ACSL5: variants seen among roughly 807,000 people sequenced by gnomAD.
ACSL5 encodes the protein acyl-CoA synthetase long chain family member 5, also known as long-chain-fatty-acid--CoA ligase 5.
Under a neutral mutation model 84.9 loss-of-function variants are expected in ACSL5, and 50 were observed. That is an observed-to-expected ratio of 0.59 (90% CI 0.47 to 0.75). The LOEUF is 0.75. Among genes scored for constraint, ACSL5 ranks in the 30% least tolerant of loss-of-function variants. The pLI, the probability that ACSL5 is intolerant of heterozygous loss-of-function variation, is 0.00. For synonymous variants in ACSL5, 280 were observed against 300.7 expected (o/e 0.93, Z 0.71); for missense variants, 775 against 830.4 (o/e 0.93, Z 0.82).
chr10:112,425,610 AAAT>A, intron 18 of ACSL5, 129 bp downstream of exon 18: 1 of 915,508 alleles, frequency 1.1e-6, no homozygotes, highest in Non-Finnish European at 1.5e-6. Flanking sequence ...AAAAAAAAAA[AAAT>A]GAAGTTACAT....
intron 12 of ACSL5, among the ~76,000 whole-genome samples, chr10:112,414,784 A>G (rs931300906): frequency 6.6e-6 from 1 of 152,036 alleles, no homozygotes; most frequent in African/African-American, 2.4e-5. Flanking sequence ...TTCTCACCCA[A>G]TTCTTAGAGT....
intron 3 of ACSL5, among the ~76,000 whole-genome samples, chr10:112,401,313 G>A (rs999591541): frequency 1.1e-4 from 16 of 152,182 alleles, no homozygotes; most frequent in Admixed American, 3.3e-4. Context: ...CTCACTTGGG[G>A]CTACTGTTTA....
In ACSL5 at chr10:112,410,505, C is replaced by A. The variant is rs200482150; in HGVS notation, c.744+10C>A. The A allele has an allele frequency of 5.6e-6, 9 of 1,614,078 alleles. No individual in the cohort carries two copies. The highest frequency in any genetic ancestry group is 2.2e-5 in the East Asian group (1 of 44,896). On this transcript the variant is annotated intron_variant, in intron 8 of 20. Coordinates refer to ENST00000354655, the MANE Select transcript of ACSL5 (RefSeq NM_203379.2). ...CTTCAGAAAACCTGTGGTAAGTTTTCTTCTGCCTGAATTTGAGCCTTGCCA... is the reference window on the plus strand; with the variant it reads ...CTTCAGAAAACCTGTGGTAAGTTTTATTCTGCCTGAATTTGAGCCTTGCCA...
chr10:112,382,368 A>G lies in ACSL5; in HGVS notation c.-30+8099A>G, dbSNP rs117924173. Among the ~76,000 whole-genome samples, 5 of 152,324 alleles carry G rather than the reference A, an allele frequency of 3.3e-5. No individual in the cohort carries two copies. In the East Asian group the frequency reaches 7.7e-4, roughly 24 times the overall value. On this transcript the variant is annotated intron_variant, in intron 1 of 20. Transcript: ENST00000354655. ...GTTGCCTTTCTCTCAAATTGTGCCA[A>G]TGGTGAGTAAAAGGTGAAGGTGGCT...
At chr10:112,408,800 C>T in intron 6 of ACSL5, 1 of 312,446 alleles carries the variant, frequency 3.2e-6, no homozygotes, top group Non-Finnish European at 6.2e-6. Context: ...TCACTCTGAA[C>T]ACACTAGATA....
intron 1 of ACSL5, among the ~76,000 whole-genome samples, chr10:112,376,745 A>C (rs929101402): frequency 6.6e-6 from 1 of 152,044 alleles, no homozygotes; most frequent in African/African-American, 2.4e-5. Context: ...GGGTCTGAGC[A>C]TCCAGCATAG....
intron 1 of ACSL5, among the ~76,000 whole-genome samples, chr10:112,384,422 T>C (rs1849410058): frequency 6.6e-6 from 1 of 152,250 alleles, no homozygotes; most frequent in Admixed American, 6.5e-5. Flanking sequence ...TTTGGCTGAA[T>C]GATGGAGTAG....
At chr10:112,413,370 A>G in intron 12 of ACSL5, 63 bp downstream of exon 12, 2 of 1,579,546 alleles carry the variant, frequency 1.3e-6, no homozygotes, top group Non-Finnish European at 1.7e-6. Flanking sequence ...ACTCTGTACT[A>G]CTATGAGATT....
intron 1 of ACSL5, among the ~76,000 whole-genome samples, chr10:112,388,303 A>G (rs1474933195): frequency 2.0e-5 from 3 of 152,118 alleles, no homozygotes; most frequent in Non-Finnish European, 4.4e-5. Context: ...ACTTCATTCC[A>G]ACTCTTCTAA....
At chr10:112,417,376 G>A (rs901886393) in intron 13 of ACSL5, among the ~76,000 whole-genome samples, 5 of 151,772 alleles carry the variant, frequency 3.3e-5, no homozygotes, top group Admixed American at 1.3e-4. Context: ...GGTGGTGGGT[G>A]CCTGTAATCC....
intron 1 of ACSL5, among the ~76,000 whole-genome samples, chr10:112,383,429 A>C (rs912686192): frequency 6.6e-6 from 1 of 152,268 alleles, no homozygotes; most frequent in Non-Finnish European, 1.5e-5. Flanking sequence ...GTAGGTCAGG[A>C]TCTCAGGCCA....
chr10:112,417,516 A>AG (rs1416066777), intron 13 of ACSL5, among the ~76,000 whole-genome samples: 5 of 152,070 alleles, frequency 3.3e-5, no homozygotes, highest in African/African-American at 1.2e-4. Context: ...AAAAAAAAAA[A>AG]AAGTTTTATT....
intron 5 of ACSL5, among the ~76,000 whole-genome samples, chr10:112,407,458 G>A (rs2419626): frequency 0.084 from 12,836 of 152,014 alleles, 675 homozygotes; most frequent in Non-Finnish European, 0.11. Flanking sequence ...TCTTGACCTC[G>A]TGATCTTCCC....
intron 1 of ACSL5, among the ~76,000 whole-genome samples, chr10:112,386,835 T>C (rs1459883754): frequency 6.6e-6 from 1 of 152,214 alleles, no homozygotes; most frequent in Non-Finnish European, 1.5e-5. Flanking sequence ...TTTTCATGAC[T>C]TCTAAATCAG....
At chr10:112,410,248 C>T (rs1256930688) in intron 7 of ACSL5, 2 of 1,527,582 alleles carry the variant, frequency 1.3e-6, no homozygotes, top group South Asian at 2.4e-5. Context: ...ATGCAATCTA[C>T]CCTCTATAGG....
Position 112,404,802 on chromosome 10 carries a change from C to A in ACSL5, c.428C>A (p.Pro143Gln). The change falls in exon 5 of 21, where the codon CCA becomes CAA. Residue 143 changes from proline to glutamine, a missense_variant. Coordinates refer to ENST00000354655, the MANE Select transcript of ACSL5 (RefSeq NM_203379.2). ...GTCGGCATCTTTGCTCAGAATAGGC[C>A]AGAGGTAACTATGTTGAAGTTAACT... Reference protein sequence around the residue: ...QFVGIFAQNRPEWIISELACY... With the variant: ...QFVGIFAQNRQEWIISELACY... 1 of 1,611,310 alleles carries A rather than the reference C, an allele frequency of 6.2e-7. No individual in the cohort carries two copies.
chr10:112,404,857 A>C, intron 5 of ACSL5, 51 bp downstream of exon 5: 3 of 1,485,204 alleles, frequency 2.0e-6, no homozygotes, highest in Non-Finnish European at 2.8e-6. Context: ...TAAGTTTAAA[A>C]ACTTCAAATG....
Position 112,408,424 on chromosome 10 carries a change from G to A in ACSL5, c.435G>A (p.Trp145Ter), listed in dbSNP as rs151027490. 23 of 1,606,256 alleles carry A rather than the reference G, an allele frequency of 1.4e-5. No homozygotes were observed. The highest frequency in any genetic ancestry group is 2.0e-5 in the Non-Finnish European group (23 of 1,173,092). Residue 145 changes from tryptophan (W) to a stop codon, truncating the protein, a stop_gained and splice_region_variant, in exon 6 of 21, where the codon TGG becomes TGA. Transcript: ENST00000354655. LOFTEE classifies it high-confidence loss of function. ...VGIFAQNRPEWIISELACYTY... is the reference protein window; with the variant it reads ...VGIFAQNRPE ...TACTTGAACTTCTCTCTGTACAGTG[G>A]ATCATCTCCGAATTGGCTTGTTACA...
chr10:112,417,784 C>A, intron 13 of ACSL5, 62 bp from the exon 14 acceptor site: 1 of 1,335,246 alleles, frequency 7.5e-7, no homozygotes, highest in Non-Finnish European at 1.1e-6. Context: ...ACCCACTCTA[C>A]AGTGGAGGAA....
Sources: gnomAD v4.1 joint callset for allele counts (sites outside exome capture counted in the v4.1 genomes callset) on GRCh38, gnomAD v4.1.1 for gene constraint, MANE v1.5 for transcripts, NCBI Gene and HGNC (gene_info 2026-07-23, HGNC 2026-07-21) for gene names.